Variants in ZMIZ1 observed in about 807,000 individuals in gnomAD.
ZMIZ1 encodes zinc finger MIZ-type containing 1.
ZMIZ1 carries 17 observed loss-of-function variants against 113.9 expected under a neutral mutation model. The ratio of observed to expected loss-of-function variants is 0.15; its 90% CI spans 0.10 to 0.22. The LOEUF (loss-of-function observed/expected upper bound fraction) is 0.22, where lower values mean the gene tolerates loss of function less well. Ranked by LOEUF, ZMIZ1 falls within the 10% of genes least tolerant of loss-of-function variation. ZMIZ1 has a pLI of 1.00. For missense variants in ZMIZ1, 1,059 were observed against 1,477.8 expected (o/e 0.72, Z 4.65); for synonymous variants, 607 against 603.1 (o/e 1.01, Z -0.09).
chr10:79,123,125 G>A (rs534188491), intron 2 of ZMIZ1, among the ~76,000 whole-genome samples: 4 of 152,326 alleles, frequency 2.6e-5, no homozygotes, highest in African/African-American at 9.6e-5. Flanking sequence ...GGCTGCAACC[G>A]CAGGCAAAGG....
At chr10:79,089,787 C>T (rs1050504897) in intron 1 of ZMIZ1, among the ~76,000 whole-genome samples, 16 of 152,138 alleles carry the variant, frequency 1.1e-4, no homozygotes, top group African/African-American at 3.6e-4. Context: ...CCCAGACCCC[C>T]ACCCCCTACC....
chr10:79,213,103 T>C (rs937186596), intron 6 of ZMIZ1, among the ~76,000 whole-genome samples: 1 of 151,704 alleles, frequency 6.6e-6, no homozygotes, highest in Admixed American at 6.6e-5. Context: ...CAACAGAGGG[T>C]CACAGCGCCC....
At chr10:79,196,688 C>T (rs1287690428) in intron 4 of ZMIZ1, among the ~76,000 whole-genome samples, 1 of 152,214 alleles carries the variant, frequency 6.6e-6, no homozygotes, top group East Asian at 1.9e-4. Flanking sequence ...GCCTCTGAGC[C>T]CTGTGGTCGC....
chr10:79,307,742 C>A (rs1854825740), intron 23 of ZMIZ1, among the ~76,000 whole-genome samples, 171 bp downstream of exon 23: 1 of 152,074 alleles, frequency 6.6e-6, no homozygotes, highest in South Asian at 2.1e-4. Context: ...CTGTCAGTGT[C>A]CTTAGACTTG....
chr10:79,086,078 A>G (rs1365047558), intron 1 of ZMIZ1, among the ~76,000 whole-genome samples: 1 of 152,136 alleles, frequency 6.6e-6, no homozygotes, highest in African/African-American at 2.4e-5. Flanking sequence ...TACCTCCAGG[A>G]TAGGTGAGGC....
chr10:79,275,113 G>A (rs1015605552), intron 7 of ZMIZ1, among the ~76,000 whole-genome samples: 23 of 152,386 alleles, frequency 1.5e-4, no homozygotes, highest in African/African-American at 5.5e-4. Context: ...CGGTACCTAG[G>A]GGCCTGGGAG....
intron 3 of ZMIZ1, among the ~76,000 whole-genome samples, chr10:79,150,309 C>T (rs1284432533): frequency 6.6e-6 from 1 of 152,262 alleles, no homozygotes; most frequent in Admixed American, 6.5e-5. Context: ...AGAGCTGCTG[C>T]CAGGAATCCT....
At chr10:79,071,575 G>A (rs1356192256) in intron 1 of ZMIZ1, among the ~76,000 whole-genome samples, 1 of 152,146 alleles carries the variant, frequency 6.6e-6, no homozygotes, top group African/African-American at 2.4e-5. Flanking sequence ...TCTCAGCCCC[G>A]GCTGCTTTGT....
intron 2 of ZMIZ1, among the ~76,000 whole-genome samples, chr10:79,124,349 C>T (rs1564664959): frequency 6.6e-6 from 1 of 152,186 alleles, no homozygotes; most frequent in African/African-American, 2.4e-5. Flanking sequence ...AAACTCAAAG[C>T]ACAGAGAGGT....
At position 79,125,101 on chromosome 10, in the gene ZMIZ1, C is replaced by T. The variant is rs533513571; in HGVS notation, c.-227+6077C>T. ...TCATGCTCCACCACGGCCTCTTCAG[C>T]AACCCAGGCACCTCTGCTGGACCAG... On this transcript the variant is annotated intron_variant, in intron 2 of 24. Coordinates refer to ENST00000334512, the MANE Select transcript of ZMIZ1 (RefSeq NM_020338.4). Among the ~76,000 whole-genome samples, 23 of 152,360 alleles carry T rather than the reference C, an allele frequency of 1.5e-4. No individual in the cohort carries two copies. In the South Asian group the frequency reaches 3.7e-3, roughly 25 times the overall value.
chr10:79,293,342 T>G (rs775226459), intron 11 of ZMIZ1, 39 bp from the exon 12 acceptor site: 2 of 1,507,344 alleles, frequency 1.3e-6, no homozygotes, highest in Non-Finnish European at 1.8e-6. Context: ...TTATTCTTTT[T>G]TTTTTCTTCT....
Position 79,314,344 on chromosome 10 carries a change from C to A in ZMIZ1, c.*1595C>A. On this transcript the variant is annotated 3_prime_UTR_variant, in exon 25 of 25. Coordinates refer to ENST00000334512, the MANE Select transcript of ZMIZ1 (RefSeq NM_020338.4). ...TGCCTGGGGCCCTTTCCTGCTCTCC[C>A]GTCCGCTGTGGGTGGTCCCCAGCTC... 2.3e-6 allele frequency: 1 copy of A among 436,340 alleles called. No individual in the cohort carries two copies. Among genetic ancestry groups the A allele is most frequent in the Non-Finnish European group, 4.6e-6 (1 of 215,416 alleles). 27.0% of individuals were successfully genotyped at this position (436,340 alleles called of 1,614,324 possible). A position where few individuals can be genotyped will look rare whatever the true frequency, so the allele number is the denominator to read the frequency against.
chr10:79,237,133 GC>G (rs1254323882), intron 7 of ZMIZ1, among the ~76,000 whole-genome samples: 1 of 135,480 alleles, frequency 7.4e-6, no homozygotes, highest in African/African-American at 2.7e-5. Context: ...AGCATTCCTG[GC>G]AGAACCCTGG....
Position 79,310,934 on chromosome 10 carries a change from C to G in ZMIZ1, c.2846C>G (p.Ala949Gly). 3 of 1,613,238 alleles carry G rather than the reference C, an allele frequency of 1.9e-6. No individual in the cohort carries two copies. Among genetic ancestry groups the G allele is most frequent in the Non-Finnish European group, 1.7e-6 (2 of 1,179,450 alleles). The change falls in exon 24 of 25, where the codon GCT (alanine) becomes GGT (glycine). Residue 949 changes from alanine to glycine, a missense_variant. Transcript: ENST00000334512. ...SHPMQETMPH[A>G]GSSDQPHPSI... ...TCTCCTCCTCCACAGATGCCACACG[C>G]TGGCAGCTCTGACCAGCCCCACCCC...
chr10:79,306,349 G>T lies in ZMIZ1; in HGVS notation c.2668+5G>T. 2 of 1,607,270 alleles carry T rather than the reference G, an allele frequency of 1.2e-6. No individual in the cohort carries two copies. Among genetic ancestry groups the T allele is most frequent in the East Asian group, 2.2e-5 (1 of 44,872 alleles). ...CCAACGACTACAGCAGCCAAGGTGG[G>T]TGATGCCAGGCAGGGAGGAAGGGAG... On this transcript the variant is annotated splice_donor_5th_base_variant and intron_variant, in intron 22 of 24. Transcript: ENST00000334512.
At chr10:79,117,301 G>A (rs1481265902) in intron 1 of ZMIZ1, among the ~76,000 whole-genome samples, 1 of 152,284 alleles carries the variant, frequency 6.6e-6, no homozygotes, top group African/African-American at 2.4e-5. Flanking sequence ...AGGAACTCCA[G>A]AGGACCCCTG....
intron 3 of ZMIZ1, among the ~76,000 whole-genome samples, chr10:79,152,455 A>G (rs1286428250): frequency 6.6e-6 from 1 of 152,208 alleles, no homozygotes; most frequent in Non-Finnish European, 1.5e-5. Context: ...ATCAGAGATT[A>G]CACCACTGCA....
chr10:79,241,405 C>A (rs1224100022), intron 7 of ZMIZ1, among the ~76,000 whole-genome samples: 1 of 152,090 alleles, frequency 6.6e-6, no homozygotes, highest in African/African-American at 2.4e-5. Context: ...CCAAAGAAGC[C>A]ATAATAACCT....
chr10:79,114,462 T>C (rs1843903952), intron 1 of ZMIZ1, among the ~76,000 whole-genome samples: 1 of 131,290 alleles, frequency 7.6e-6, no homozygotes, highest in Non-Finnish European at 1.6e-5. Flanking sequence ...CCTGGGTGTG[T>C]ATGTGTGTGT....
Sources: allele counts gnomAD v4.1 joint callset (sites outside exome capture counted in the v4.1 genomes callset), GRCh38; gene constraint gnomAD v4.1.1; transcripts MANE v1.5; gene names NCBI Gene and HGNC (gene_info 2026-07-23, HGNC 2026-07-21).